Variants in ZNF185 observed in about 807,000 individuals in gnomAD.
ZNF185 encodes the protein zinc finger protein 185 with LIM domain.
ZNF185 carries 56 observed loss-of-function variants against 58.6 expected under a neutral mutation model. That is an observed-to-expected ratio of 0.95 (90% confidence interval 0.77 to 1.19). The LOEUF is 1.19. Among genes scored for constraint, ZNF185 ranks in the 50% most tolerant of loss-of-function variants. The pLI is 0.00. For synonymous variants in ZNF185, 230 were observed against 215.9 expected (o/e 1.07, Z -0.57); for missense variants, 627 against 573.5 (o/e 1.09, Z -0.95).
In ZNF185 at chrX:152,922,711, C is replaced by T. The variant is rs781992271; in HGVS notation, c.741-9C>T. The T allele has an allele frequency of 1.3e-5, 16 of 1,194,379 alleles. No individual in the cohort carries two copies. The highest frequency in any genetic ancestry group is 1.8e-5 in the Non-Finnish European group (16 of 886,457). On this transcript the variant is annotated splice_polypyrimidine_tract_variant and intron_variant, in intron 10 of 22. Coordinates refer to ENST00000449285, the Ensembl canonical transcript of ZNF185. ...CTCCAGAGCCTCTCACAGCCACCTT[C>T]TTTGCCAGTGCGGATGGAGGCAGGA...
chrX:152,938,284 C>A, intron 15 of ZNF185, 121 bp downstream of exon 17: 1 of 658,700 alleles, frequency 1.5e-6, no homozygotes, highest in Non-Finnish European at 2.3e-6. Context: ...GCCTGAGGCA[C>A]ATAGCAAGGG....
chrX:152,963,853 C>T (rs782662005), exon 18 of ZNF185: 19 of 1,209,087 alleles, frequency 1.6e-5, no homozygotes, highest in African/African-American at 5.3e-5. Context: ...AGGAGCCCCT[C>T]GAGCTGCATG....
At chrX:152,926,539 G>A (rs1556872866) in intron 11 of ZNF185, among the ~76,000 whole-genome samples, 2 of 112,966 alleles carry the variant, frequency 1.8e-5, no homozygotes, top group African/African-American at 6.4e-5. Context: ...GTTTGGCACA[G>A]GCCACAGTTG....
chrX:152,924,839 C>G (rs1472380612), intron 11 of ZNF185, among the ~76,000 whole-genome samples: 2 of 112,090 alleles, frequency 1.8e-5, no homozygotes, highest in Non-Finnish European at 3.8e-5. Context: ...TGCACGCGAC[C>G]ACGCCCGGCT....
chrX:152,901,827 C>A, the ZNF185 span, among the ~76,000 whole-genome samples: 1 of 111,663 alleles, frequency 9.0e-6, no homozygotes, highest in African/African-American at 3.3e-5. Context: ...GGAGAAGAGA[C>A]TGGAAAAGGA....
At chrX:152,922,943 C>G in intron 11 of ZNF185, 134 bp downstream of exon 12, 1 of 520,544 alleles carries the variant, frequency 1.9e-6, no homozygotes, top group East Asian at 3.7e-5. Context: ...CACTGGTGAT[C>G]TCACTCCAGG....
At chrX:152,914,988 C>A in intron 2 of ZNF185, 150 bp from the exon 4 acceptor site, 1 of 992,756 alleles carries the variant, frequency 1.0e-6, no homozygotes, top group Non-Finnish European at 1.4e-6. Flanking sequence ...CCAGCAATGT[C>A]ACAGGGTGGG....
chrX:152,931,146 A>G (rs743638), intron 12 of ZNF185, among the ~76,000 whole-genome samples: 10,643 of 111,982 alleles, frequency 0.095, 1,131 homozygotes, highest in African/African-American at 0.31. Flanking sequence ...ATTGCCAGGC[A>G]CAGTGGCTCA....
intron 12 of ZNF185, among the ~76,000 whole-genome samples, chrX:152,930,510 G>T (rs1941753395): frequency 9.0e-6 from 1 of 111,620 alleles, no homozygotes; most frequent in Non-Finnish European, 1.9e-5. Context: ...CCTGGGGACA[G>T]CTGGGCGAGG....
intron 7 of ZNF185, among the ~76,000 whole-genome samples, chrX:152,919,453 T>A (rs1179050767): frequency 1.8e-5 from 2 of 111,453 alleles, no homozygotes; most frequent in Non-Finnish European, 3.8e-5. Flanking sequence ...ATCTGCATGA[T>A]CTGCATGCCT....
intron 14 of ZNF185, among the ~76,000 whole-genome samples, chrX:152,937,265 C>A (rs1008020133): frequency 1.8e-5 from 2 of 111,868 alleles, no homozygotes; most frequent in Admixed American, 9.4e-5. Flanking sequence ...TGAGACATGG[C>A]TTTACTCAGC....
At chrX:152,906,429 C>T in the ZNF185 span, among the ~76,000 whole-genome samples, 1 of 113,327 alleles carries the variant, frequency 8.8e-6, no homozygotes, top group Non-Finnish European at 1.9e-5. Context: ...ACAGAGCTTT[C>T]CTGAAACACA....
intron 14 of ZNF185, among the ~76,000 whole-genome samples, chrX:152,934,047 C>T (rs1329671803): frequency 2.7e-5 from 3 of 112,931 alleles, no homozygotes; most frequent in African/African-American, 3.2e-5. Context: ...GGGAGGACTC[C>T]GCTAGAGCCC....
chrX:152,964,431 G>A (rs2049901065), intron 18 of ZNF185, among the ~76,000 whole-genome samples: 1 of 112,706 alleles, frequency 8.9e-6, no homozygotes, highest in African/African-American at 3.2e-5. Context: ...AATCATGGTG[G>A]AAGCCGAAGT....
intron 15 of ZNF185, among the ~76,000 whole-genome samples, chrX:152,941,151 G>C (rs1178000194): frequency 8.9e-6 from 1 of 112,003 alleles, no homozygotes. Flanking sequence ...TCTCCATCAT[G>C]TGTCTTTTTC....
At chrX:152,956,476 C>T (rs1556904861) in intron 16 of ZNF185, among the ~76,000 whole-genome samples, 1 of 112,037 alleles carries the variant, frequency 8.9e-6, no homozygotes, top group African/African-American at 3.2e-5. Flanking sequence ...CGGTGGCTTA[C>T]ACCTGTAATC....
chrX:152,932,224 A>G (rs5970396), intron 13 of ZNF185, among the ~76,000 whole-genome samples: 22,666 of 112,017 alleles, frequency 0.2, 1,777 homozygotes, highest in Non-Finnish European at 0.24. Flanking sequence ...GTGGGCCCCC[A>G]TAGAGCATGT....
intron 15 of ZNF185, 111 bp downstream of exon 17, chrX:152,938,274 G>C (rs1006603416): frequency 1.1e-5 from 8 of 740,437 alleles, no homozygotes; most frequent in Non-Finnish European, 1.6e-5. Flanking sequence ...TTGTGAGCTG[G>C]CCTGAGGCAC....
chrX:152,965,950 G>A (rs910072142), intron 19 of ZNF185, among the ~76,000 whole-genome samples: 1 of 110,262 alleles, frequency 9.1e-6, no homozygotes, highest in Non-Finnish European at 1.9e-5. Flanking sequence ...ACATGTGACT[G>A]CAGTTCCTGA....
Sources: allele counts gnomAD v4.1 joint callset (sites outside exome capture counted in the v4.1 genomes callset), GRCh38; gene constraint gnomAD v4.1.1; transcripts MANE v1.5; gene names NCBI Gene and HGNC (gene_info 2026-07-23, HGNC 2026-07-21).